ZC3HAV1: variants seen among roughly 807,000 people sequenced by gnomAD.
ZC3HAV1 encodes zinc finger CCCH-type containing, antiviral 1.
ZC3HAV1 carries 41 observed loss-of-function variants against 86.6 expected under a neutral mutation model. The observed-to-expected ratio is 0.47, with a 90% confidence interval of 0.37 to 0.61. The LOEUF is 0.61. Ranked by LOEUF, ZC3HAV1 falls within the 20% of genes least tolerant of loss-of-function variation. The pLI, the probability that ZC3HAV1 is intolerant of heterozygous loss-of-function variation, is 0.00. For synonymous variants in ZC3HAV1, 421 were observed against 432.1 expected (o/e 0.97, Z 0.32); for missense variants, 964 against 1,141.1 (o/e 0.84, Z 2.24).
chr7:139,101,696 C>CTATG (rs1554445787), intron 1 of ZC3HAV1, among the ~76,000 whole-genome samples: 8 of 151,058 alleles, frequency 5.3e-5, no homozygotes, highest in Non-Finnish European at 1.2e-4. Flanking sequence ...TGCTGTTGAT[C>CTATG]TATGACCTTA....
At chr7:139,061,476 G>A (rs923219182) in intron 8 of ZC3HAV1, among the ~76,000 whole-genome samples, 2 of 152,178 alleles carry the variant, frequency 1.3e-5, no homozygotes, top group Non-Finnish European at 2.9e-5. Context: ...CAGTGATTAC[G>A]GGTTGGAATC....
At chr7:139,090,653 TTTTG>T (rs1218057061) in intron 1 of ZC3HAV1, among the ~76,000 whole-genome samples, 23 of 152,250 alleles carry the variant, frequency 1.5e-4, no homozygotes, top group Admixed American at 3.9e-4. Flanking sequence ...CACTATTATT[TTTTG>T]TTTGTCACTG....
intron 1 of ZC3HAV1, among the ~76,000 whole-genome samples, chr7:139,097,428 A>ATATATATATTTTTTTTT: frequency 6.2e-5 from 3 of 48,158 alleles, no homozygotes; most frequent in African/African-American, 3.4e-4. Flanking sequence ...ATATATATAT[A>ATATATATATTTTTTTTT]TTTTTTTTTT....
rs1452354737 is a variant in ZC3HAV1, at chr7:139,068,023, CTTT to C, written c.1873-3027_1873-3025del. Among the ~76,000 whole-genome samples, 18 of 137,168 alleles carry C rather than the reference CTTT, an allele frequency of 1.3e-4. No individual in the cohort carries two copies. The South Asian group carries it at 1.5e-3, about 11-fold the overall frequency. The allele number at this position is 137,168 out of a possible 152,430, so 90.0% of individuals were successfully genotyped here. ...TGGTATAGGGAGGACCTCTTTCTTT[CTTT>C]ATTATTATTATTATTATTATTATTA... On this transcript the variant is annotated intron_variant, in intron 7 of 12. Coordinates refer to ENST00000242351, the MANE Select transcript of ZC3HAV1 (RefSeq NM_020119.4).
rs1218171201 is a variant in ZC3HAV1, at chr7:139,057,692, C to T, written c.2097-2397G>A. ...TAGCTGGGACTACAGGCGCCCGCCA[C>T]CACGCCCGGCTAATTTTTTTGTTAT... is the stretch of plus-strand genomic sequence containing the variant. On this transcript the variant is annotated intron_variant, in intron 9 of 12. Coordinates refer to ENST00000242351, the MANE Select transcript of ZC3HAV1 (RefSeq NM_020119.4). Among the ~76,000 whole-genome samples the T allele has an allele frequency of 5.0e-5, 4 of 79,542 alleles. 1 individual carries two copies. Among genetic ancestry groups the T allele is most frequent in the African/African-American group, 1.8e-4 (3 of 17,036 alleles). 52.2% of individuals were successfully genotyped at this position (79,542 alleles called of 152,430 possible). A position where few individuals can be genotyped will look rare whatever the true frequency, so the allele number is the denominator to read the frequency against.
chr7:139,102,411 T>G (rs1405902607), intron 1 of ZC3HAV1, among the ~76,000 whole-genome samples: 1 of 152,182 alleles, frequency 6.6e-6, no homozygotes, highest in Non-Finnish European at 1.5e-5. Context: ...ATTACAGATA[T>G]TAGCTACTGA....
chr7:139,089,207 A>C (rs767725511), intron 2 of ZC3HAV1, among the ~76,000 whole-genome samples: 1 of 152,060 alleles, frequency 6.6e-6, no homozygotes, highest in Non-Finnish European at 1.5e-5. Context: ...AGAGAAACAA[A>C]ATTACATTTT....
In ZC3HAV1 at chr7:139,043,526, ACTT is replaced by A. The variant is rs1299803140; in HGVS notation, c.*4065_*4067del. ...TAAAGGCAGTAGAACCAAATTAATT[ACTT>A]CTTTTTATTAGACAGTTCAAATTAA... is the stretch of plus-strand genomic sequence containing the variant. On this transcript the variant is annotated 3_prime_UTR_variant, in exon 13 of 13. Transcript: ENST00000242351. 6.6e-6 allele frequency: 1 copy of A among 152,240 alleles called. No homozygotes were observed. The highest frequency in any genetic ancestry group is 1.9e-4 in the East Asian group (1 of 5,202). 9.4% of individuals were successfully genotyped at this position (152,240 alleles called of 1,614,324 possible).
intron 3 of ZC3HAV1, among the ~76,000 whole-genome samples, chr7:139,081,157 GT>G (rs1218941269): frequency 6.6e-6 from 1 of 152,042 alleles, no homozygotes; most frequent in Non-Finnish European, 1.5e-5. Context: ...TGCACGTGAT[GT>G]TTATGTGGGG....
At chr7:139,070,912 G>A (rs1455206686) in intron 7 of ZC3HAV1, among the ~76,000 whole-genome samples, 6 of 151,680 alleles carry the variant, frequency 4.0e-5, no homozygotes, top group Non-Finnish European at 8.8e-5. Flanking sequence ...AACCTGGGAG[G>A]CAGAGGCTGC....
Position 139,055,269 on chromosome 7 carries a change from A to T in ZC3HAV1, c.2123T>A (p.Val708Glu). 6.2e-7 allele frequency: 1 copy of T among 1,613,358 alleles called. No homozygotes were observed. Among genetic ancestry groups the T allele is most frequent in the South Asian group, 1.1e-5 (1 of 90,898 alleles). ...AGGACGAAAGGTCGCAGTTAAAGAC[A>T]CTGACGAGGTCTTTGCTGGCTGATG... ...PDHQPAKTSS[V>E]SLTATFRPQE... The change falls in exon 10 of 13, where the codon GTG becomes GAG. Residue 708 changes from valine to glutamate, a missense_variant. By Grantham distance (121) the Val-to-Glu change is moderately radical. Coordinates refer to ENST00000242351, the MANE Select transcript of ZC3HAV1 (RefSeq NM_020119.4).
intron 1 of ZC3HAV1, among the ~76,000 whole-genome samples, chr7:139,093,223 A>C (rs1584868482): frequency 6.6e-6 from 1 of 152,104 alleles, no homozygotes; most frequent in Admixed American, 6.6e-5. Context: ...ACAAGCAAAA[A>C]CCCAAGCCGG....
chr7:139,085,297 A>C (rs1462527359), intron 2 of ZC3HAV1, among the ~76,000 whole-genome samples: 1 of 152,242 alleles, frequency 6.6e-6, no homozygotes, highest in Non-Finnish European at 1.5e-5. Context: ...TCCCACGCCG[A>C]TATTAAGCAA....
intron 1 of ZC3HAV1, among the ~76,000 whole-genome samples, chr7:139,090,048 T>A (rs544755172): frequency 6.6e-6 from 1 of 151,982 alleles, no homozygotes; most frequent in South Asian, 2.1e-4. Flanking sequence ...GCCTCCCGAG[T>A]AGCTGGAAAC....
Position 139,109,245 on chromosome 7 carries a change from C to A in ZC3HAV1, c.87G>T (p.Glu29Asp), listed in dbSNP as rs1265767406. Residue 29 changes from glutamate to aspartate, a missense_variant, in exon 1 of 13, where the codon GAG becomes GAT. Coordinates refer to ENST00000242351, the MANE Select transcript of ZC3HAV1 (RefSeq NM_020119.4). ...AGAGCTGCGGCTCAGACAGCGCGAT[C>A]TCCTGGAGCAGCGCGTCCAGGGCCA... Reference protein sequence around the residue: ...GRMALDALLQEIALSEPQLCE... With the variant: ...GRMALDALLQDIALSEPQLCE... 1.2e-5 allele frequency: 20 copies of A among 1,612,022 alleles called. No homozygotes were observed. Among genetic ancestry groups the A allele is most frequent in the Non-Finnish European group, 1.7e-5 (20 of 1,179,372 alleles).
chr7:139,089,828 A>C (rs1563137871), intron 1 of ZC3HAV1, 69 bp from the exon 2 acceptor site: 1 of 1,508,854 alleles, frequency 6.6e-7, no homozygotes, highest in Non-Finnish European at 8.8e-7. Flanking sequence ...ATCAGCCATA[A>C]AACTTTCAGT....
chr7:139,099,251 C>T lies in ZC3HAV1; in HGVS notation c.309-9492G>A, dbSNP rs116705803. 6.2e-3 allele frequency among the ~76,000 whole-genome samples: 940 copies of T among 152,032 alleles called. 13 individuals are homozygous for T. Among genetic ancestry groups the T allele is most frequent in the African/African-American group, 0.021 (878 of 41,490 alleles). On this transcript the variant is annotated intron_variant, in intron 1 of 12. Coordinates refer to ENST00000242351, the MANE Select transcript of ZC3HAV1 (RefSeq NM_020119.4). ...TTACAGGGTGCACCCTTTTGTGTCACGATGTTGCAGAAAACAGCATGTCTC... is the reference window on the plus strand; with the variant it reads ...TTACAGGGTGCACCCTTTTGTGTCATGATGTTGCAGAAAACAGCATGTCTC...
rs189014216 is a variant in ZC3HAV1 at position 139,070,562 on chromosome 7, G to T, written c.1872+3294C>A. Among the ~76,000 whole-genome samples the T allele has an allele frequency of 2.0e-5, 3 of 151,764 alleles. No homozygotes were observed. In the East Asian group the frequency reaches 5.8e-4, roughly 29 times the overall value. On this transcript the variant is annotated intron_variant, in intron 7 of 12. Coordinates refer to ENST00000242351, the MANE Select transcript of ZC3HAV1 (RefSeq NM_020119.4). ...GCCTGTAGTCCCAGCTATTTGGGAG[G>T]CTGAGGCAGGAGAATGGCGTGAACA...
chr7:139,095,917 G>A (rs1817572431), intron 1 of ZC3HAV1, among the ~76,000 whole-genome samples: 4 of 152,194 alleles, frequency 2.6e-5, no homozygotes, highest in Non-Finnish European at 2.9e-5. Context: ...CCAACATGCA[G>A]CAAAGTTTGA....
Sources: gnomAD v4.1 joint callset for allele counts (sites outside exome capture counted in the v4.1 genomes callset) on GRCh38, gnomAD v4.1.1 for gene constraint, MANE v1.5 for transcripts, NCBI Gene and HGNC (gene_info 2026-07-23, HGNC 2026-07-21) for gene names.